The following EPHA6 variants were observed in gnomAD, a reference collection of about 807,000 sequenced individuals.
EPHA6 encodes EPH receptor A6, also known as ephrin type-A receptor 6.
A neutral mutation model predicts 112.0 loss-of-function variants in EPHA6; 50 were observed. The ratio of observed to expected loss-of-function variants is 0.45; its 90% CI spans 0.36 to 0.56. The LOEUF is 0.56. Among genes scored for constraint, EPHA6 ranks in the 20% least tolerant of loss-of-function variants. The pLI, the probability that EPHA6 is intolerant of heterozygous loss-of-function variation, is 0.00. For synonymous variants in EPHA6, 529 were observed against 490.7 expected (o/e 1.08, Z -1.03); for missense variants, 1,280 against 1,417.4 (o/e 0.90, Z 1.56).
At chr3:97,056,384 T>C (rs1431730900) in intron 3 of EPHA6, among the ~76,000 whole-genome samples, 1 of 152,196 alleles carries the variant, frequency 6.6e-6, no homozygotes, top group African/African-American at 2.4e-5. Flanking sequence ...TCTCTTCTCC[T>C]ATCTAAACAT....
intron 5 of EPHA6, among the ~76,000 whole-genome samples, chr3:97,287,751 G>C (rs750122960): frequency 6.6e-6 from 1 of 152,132 alleles, no homozygotes; most frequent in Non-Finnish European, 1.5e-5. Context: ...GCATCCCTGG[G>C]ATGAATCCCA....
intron 3 of EPHA6, among the ~76,000 whole-genome samples, chr3:97,156,520 A>C (rs2076292878): frequency 6.6e-6 from 1 of 152,160 alleles, no homozygotes; most frequent in Admixed American, 6.6e-5. Flanking sequence ...TTTAGTGCAG[A>C]ATATCAGAGA....
chr3:97,526,482 G>A (rs1256339905), intron 10 of EPHA6, among the ~76,000 whole-genome samples: 1 of 138 alleles, frequency 7.2e-3, no homozygotes, highest in African/African-American at 0.025. Context: ...CCCAGTGGCA[G>A]TGGGGGGGTG....
intron 10 of EPHA6, among the ~76,000 whole-genome samples, chr3:97,512,721 C>G (rs1030578003): frequency 6.6e-6 from 1 of 152,134 alleles, no homozygotes; most frequent in African/African-American, 2.4e-5. Context: ...TGCACCACCA[C>G]ACCCGGCTAA....
chr3:97,399,661 G>A (rs1421302857), intron 5 of EPHA6, among the ~76,000 whole-genome samples: 5 of 151,496 alleles, frequency 3.3e-5, no homozygotes, highest in African/African-American at 1.2e-4. Flanking sequence ...TTGTAATTTT[G>A]ATTTACATTT....
At chr3:97,614,420 C>T (rs529227553) in intron 13 of EPHA6, among the ~76,000 whole-genome samples, 117 of 150,220 alleles carry the variant, frequency 7.8e-4, no homozygotes, top group Admixed American at 7.9e-4. Context: ...CTGCAACCTC[C>T]GCCTCCCGGG....
At chr3:97,435,740 C>CCTAGGTAT (rs2089794366) in intron 6 of EPHA6, among the ~76,000 whole-genome samples, 1 of 152,112 alleles carries the variant, frequency 6.6e-6, no homozygotes, top group Non-Finnish European at 1.5e-5. Context: ...ATGGCTTCAT[C>CCTAGGTAT]CTAGGTATTT....
intron 2 of EPHA6, among the ~76,000 whole-genome samples, chr3:96,984,060 G>A (rs191851200): frequency 2.6e-5 from 4 of 152,262 alleles, no homozygotes; most frequent in Admixed American, 6.5e-5. Flanking sequence ...ACTCGTCAAC[G>A]TCATTCTCCG....
intron 3 of EPHA6, among the ~76,000 whole-genome samples, chr3:97,190,177 C>T (rs1341173619): frequency 6.6e-6 from 1 of 152,096 alleles, no homozygotes; most frequent in African/African-American, 2.4e-5. Flanking sequence ...ATACAGCAAC[C>T]ACCCTTTACT....
chr3:97,164,223 A>G (rs970593537), intron 3 of EPHA6, among the ~76,000 whole-genome samples: 3 of 152,148 alleles, frequency 2.0e-5, no homozygotes, highest in African/African-American at 7.2e-5. Context: ...GATATTTTGC[A>G]TATTTGTATT....
intron 11 of EPHA6, among the ~76,000 whole-genome samples, chr3:97,576,298 T>C (rs2093384016): frequency 6.6e-6 from 1 of 152,178 alleles, no homozygotes; most frequent in South Asian, 2.1e-4. Flanking sequence ...TTTTTTTCCT[T>C]GATCAGTCCA....
At chr3:96,842,678 C>G (rs957376789) in intron 1 of EPHA6, among the ~76,000 whole-genome samples, 1 of 152,116 alleles carries the variant, frequency 6.6e-6, no homozygotes, top group East Asian at 1.9e-4. Flanking sequence ...TACACTTTAA[C>G]TGGTTTTAAT....
At chr3:96,958,138 A>C (rs551958846) in intron 2 of EPHA6, among the ~76,000 whole-genome samples, 22 of 152,214 alleles carry the variant, frequency 1.4e-4, no homozygotes, top group African/African-American at 5.3e-4. Flanking sequence ...TAAAAATACA[A>C]AATTAGCCAG....
chr3:97,660,673 C>T (rs977810424), intron 14 of EPHA6, among the ~76,000 whole-genome samples: 4 of 152,028 alleles, frequency 2.6e-5, no homozygotes, highest in Admixed American at 6.6e-5. Flanking sequence ...AGAGGGCCCA[C>T]CAGTACAGAC....
At chr3:97,725,423 C>T (rs1399302726) in intron 15 of EPHA6, among the ~76,000 whole-genome samples, 1 of 152,102 alleles carries the variant, frequency 6.6e-6, no homozygotes, top group Non-Finnish European at 1.5e-5. Context: ...CTGGCAGTTT[C>T]CCCATAATTA....
intron 2 of EPHA6, among the ~76,000 whole-genome samples, chr3:96,938,963 A>G (rs1246026875): frequency 6.6e-6 from 1 of 152,154 alleles, no homozygotes; most frequent in African/African-American, 2.4e-5. Context: ...AGCCCACTTG[A>G]TCATGGTGGA....
intron 3 of EPHA6, among the ~76,000 whole-genome samples, chr3:97,095,212 G>A (rs2047199345): frequency 6.6e-6 from 1 of 151,840 alleles, no homozygotes; most frequent in Non-Finnish European, 1.5e-5. Flanking sequence ...ATTCTAACTG[G>A]TATGAGATGG....
chr3:96,917,088 A>G (rs1162629814), intron 2 of EPHA6, among the ~76,000 whole-genome samples: 1 of 152,026 alleles, frequency 6.6e-6, no homozygotes, highest in Non-Finnish European at 1.5e-5. Context: ...CATAGCCAGA[A>G]TATTGTTCAT....
chr3:97,301,139 A>G (rs1324110130), intron 5 of EPHA6, among the ~76,000 whole-genome samples: 2 of 152,086 alleles, frequency 1.3e-5, no homozygotes, highest in African/African-American at 4.8e-5. Flanking sequence ...TTCTCCCATT[A>G]CTTTGAGGTT....
Sources: allele counts gnomAD v4.1 joint callset (sites outside exome capture counted in the v4.1 genomes callset), GRCh38; gene constraint gnomAD v4.1.1; transcripts MANE v1.5; gene names NCBI Gene and HGNC (gene_info 2026-07-23, HGNC 2026-07-21).